CX3CR1: variants seen among roughly 807,000 people sequenced by gnomAD.
The protein encoded by CX3CR1 is CX3C chemokine receptor 1.
For synonymous variants in CX3CR1, 168 were observed against 178.5 expected (o/e 0.94, Z 0.47); for missense variants, 363 against 432.4 (o/e 0.84, Z 1.42).
intron 1 of CX3CR1, among the ~76,000 whole-genome samples, chr3:39,270,772 A>G (rs930914812): frequency 6.6e-6 from 1 of 152,264 alleles, no homozygotes; most frequent in Non-Finnish European, 1.5e-5. Context: ...TACCATGTAC[A>G]CATACTACGT....
chr3:39,280,222 A>T, upstream of CX3CR1: 1 of 985,680 alleles, frequency 1.0e-6, no homozygotes, highest in Non-Finnish European at 1.2e-6. Context: ...AAGACTGCGG[A>T]GCTGGAGGGA....
upstream of CX3CR1, chr3:39,281,792 G>A (rs199857560): frequency 2.0e-4 from 188 of 926,016 alleles, no homozygotes; most frequent in African/African-American, 2.6e-4. Context: ...GCCTGTGCCC[G>A]TGGCAGGCTC....
chr3:39,289,125 G>A, the CX3CR1 span, among the ~76,000 whole-genome samples: 2 of 151,958 alleles, frequency 1.3e-5, no homozygotes, highest in East Asian at 3.9e-4. Flanking sequence ...CTGCACTCCA[G>A]CCTGGGCAAT....
chr3:39,281,868 C>T (rs532873729), upstream of CX3CR1: 43 of 591,220 alleles, frequency 7.3e-5, no homozygotes, highest in Middle Eastern at 4.5e-4. Context: ...TTAAAGCTAA[C>T]GGCTATGTTC....
At position 39,265,748 on chromosome 3, in the gene CX3CR1, C is replaced by A. The variant is rs779537917; in HGVS notation, c.762G>T (p.Glu254Asp). The A allele has an allele frequency of 1.2e-6, 2 of 1,614,216 alleles. No individual in the cohort carries two copies. Among genetic ancestry groups the A allele is most frequent in the South Asian group, 2.2e-5 (2 of 91,084 alleles). Residue 254 changes from glutamate to aspartate, a missense_variant, in exon 2 of 2, where the codon GAG (glutamate) becomes GAT (aspartate). Transcript: ENST00000399220. ...GAAAGAAGTCATAGAGCTTAAGCGTCTCCAGGAAAATCATAACGTTGTAGG... is the reference window on the plus strand; with the variant it reads ...GAAAGAAGTCATAGAGCTTAAGCGTATCCAGGAAAATCATAACGTTGTAGG... The part of the protein sequence containing the change: ...WTPYNVMIFL[E>D]TLKLYDFFPS...
intron 1 of CX3CR1, among the ~76,000 whole-genome samples, chr3:39,273,169 G>A (rs1270945619): frequency 6.6e-6 from 1 of 152,252 alleles, no homozygotes; most frequent in Non-Finnish European, 1.5e-5. Flanking sequence ...AGTAGACCCA[G>A]GCCCCTTAAG....
At chr3:39,284,568 A>G (rs140442545), upstream of CX3CR1, among the ~76,000 whole-genome samples, 13 of 152,354 alleles carry the variant, frequency 8.5e-5, no homozygotes, top group African/African-American at 2.9e-4. Context: ...AGAAAAATCA[A>G]TCAATGGGTG....
chr3:39,268,771 T>C (rs1039627411), intron 1 of CX3CR1, among the ~76,000 whole-genome samples: 5 of 152,200 alleles, frequency 3.3e-5, no homozygotes, highest in African/African-American at 1.2e-4. Context: ...GAGCCTAACA[T>C]TCCTTGTCTG....
In CX3CR1 at chr3:39,265,300, A is replaced by T; in HGVS notation, c.*142T>A. 1 of 797,978 alleles carries T rather than the reference A, an allele frequency of 1.3e-6. No homozygotes were observed. The highest frequency in any genetic ancestry group is 2.0e-6 in the Non-Finnish European group (1 of 509,330). The allele number at this position is 797,978 out of a possible 1,614,324, so 49.4% of individuals were successfully genotyped here. A position where few individuals can be genotyped will look rare whatever the true frequency, so the allele number is the denominator to read the frequency against. ...CTTCAAATTTTGAGCACAATTCTCAACAACACTCTAGGGTTGTTTTGTGTG... is the reference window on the plus strand; with the variant it reads ...CTTCAAATTTTGAGCACAATTCTCATCAACACTCTAGGGTTGTTTTGTGTG... On this transcript the variant is annotated 3_prime_UTR_variant, in exon 2 of 2. Coordinates refer to ENST00000399220, the MANE Select transcript of CX3CR1 (RefSeq NM_001337.4).
chr3:39,284,905 G>C (rs1039213306), upstream of CX3CR1, among the ~76,000 whole-genome samples: 1 of 152,142 alleles, frequency 6.6e-6, no homozygotes, highest in Non-Finnish European at 1.5e-5. Context: ...AATTGTAAAG[G>C]ACCAGACACG....
chr3:39,283,795 T>TTATATATATATATATATA (rs59133796), upstream of CX3CR1, among the ~76,000 whole-genome samples: 1 of 65,296 alleles, frequency 1.5e-5, no homozygotes, highest in Non-Finnish European at 2.8e-5. Context: ...AAAAAAAAAA[T>TTATATATATATATATATA]TATATATATA....
At chr3:39,275,070 C>G (rs1352253911) in intron 1 of CX3CR1, among the ~76,000 whole-genome samples, 1 of 152,152 alleles carries the variant, frequency 6.6e-6, no homozygotes, top group East Asian at 1.9e-4. Flanking sequence ...CCATGTTGGC[C>G]AGGCTGATCT....
At chr3:39,266,776 T>C (rs1476814747) in intron 1 of CX3CR1, 1 of 684,398 alleles carries the variant, frequency 1.5e-6, no homozygotes, top group African/African-American at 1.8e-5. Context: ...CTGTGAGCAT[T>C]TGGCTCTAGG....
the CX3CR1 span, chr3:39,287,289 G>A: frequency 1.3e-5 from 2 of 152,150 alleles, no homozygotes; most frequent in Admixed American, 6.5e-5. Context: ...TTAAGGTAAT[G>A]AAGACCTAAT....
chr3:39,266,451 G>C lies in CX3CR1; in HGVS notation c.59C>G (p.Ala20Gly). The C allele has an allele frequency of 6.2e-7, 1 of 1,614,126 alleles. No individual in the cohort carries two copies. The highest frequency in any genetic ancestry group is 2.2e-5 in the East Asian group (1 of 44,884). Residue 20 changes from alanine to glycine, a missense_variant, in exon 2 of 2, where the codon GCC becomes GGC. Physicochemically the swap from Ala to Gly is moderately conservative, Grantham distance 60. Transcript: ENST00000399220. ...ENFEYDDLAE[A>G]CYIGDIVVFG... ...GACCACGATGTCCCCAATATAACAG[G>C]CCTCAGCCAAATCATCGTACTCAAA...
upstream of CX3CR1, chr3:39,286,215 AG>A (rs1559372500): frequency 6.6e-6 from 1 of 152,276 alleles, no homozygotes; most frequent in Non-Finnish European, 1.5e-5. Context: ...AGGGGCTTAT[AG>A]TACAGTGCAG....
At chr3:39,290,265 T>C in the CX3CR1 span, among the ~76,000 whole-genome samples, 1 of 152,198 alleles carries the variant, frequency 6.6e-6, no homozygotes, top group Non-Finnish European at 1.5e-5. Flanking sequence ...AGTGTCTTAG[T>C]GGATTTTATC....
At chr3:39,283,843 T>TATATACATG (rs1351970787), upstream of CX3CR1, among the ~76,000 whole-genome samples, 2 of 74,132 alleles carry the variant, frequency 2.7e-5, no homozygotes, top group African/African-American at 9.3e-5. Flanking sequence ...ATATATATAA[T>TATATACATG]GTGGTTAATA....
chr3:39,266,546 G>C, intron 1 of CX3CR1, 28 bp from the exon 2 acceptor site: 1 of 1,606,134 alleles, frequency 6.2e-7, no homozygotes, highest in Non-Finnish European at 8.5e-7. Flanking sequence ...ACAAGTAACT[G>C]TGTTAGTTAT....
Sources: allele counts gnomAD v4.1 joint callset (sites outside exome capture counted in the v4.1 genomes callset), GRCh38; gene constraint gnomAD v4.1.1; transcripts MANE v1.5; gene names NCBI Gene and HGNC (gene_info 2026-07-23, HGNC 2026-07-21).